SHANK2: variants seen among roughly 807,000 people sequenced by gnomAD.
The protein encoded by SHANK2 is SH3 and multiple ankyrin repeat domains 2.
In SHANK2, 43 loss-of-function variants were observed where a neutral mutation model predicts 133.7. The observed-to-expected ratio is 0.32, with a 90% CI of 0.25 to 0.41. The LOEUF (loss-of-function observed/expected upper bound fraction) is 0.41, where lower values mean the gene tolerates loss of function less well. SHANK2 is among the 10% of genes least tolerant of loss of function. The pLI is 1.00. For missense variants in SHANK2, 1,994 were observed against 2,235.8 expected, an observed-to-expected ratio of 0.89 and a Z score of 2.18; for synonymous variants, 1,017 against 952.8, an observed-to-expected ratio of 1.07 and a Z score of -1.24.
intron 10 of SHANK2, among the ~76,000 whole-genome samples, chr11:70,911,371 A>G (rs1840509430): frequency 6.6e-6 from 1 of 151,974 alleles, no homozygotes; most frequent in African/African-American, 2.4e-5. Context: ...AAACAAAAAA[A>G]CAAAAAAACA....
intron 10 of SHANK2, among the ~76,000 whole-genome samples, chr11:70,955,422 GGTGT>G (rs1186144718): frequency 0.5 from 73,335 of 146,396 alleles, 20,887 homozygotes; most frequent in Non-Finnish European, 0.65. Flanking sequence ...AGACCCACGG[GGTGT>G]GTGTGTGTGT....
At chr11:70,531,972 T>C (rs954834346) in intron 17 of SHANK2, among the ~76,000 whole-genome samples, 1 of 152,124 alleles carries the variant, frequency 6.6e-6, no homozygotes, top group Non-Finnish European at 1.5e-5. Context: ...GTAGTGACAG[T>C]TCTGGGATAT....
At position 70,772,439 on chromosome 11, in the gene SHANK2, CAA is replaced by C. The variant is rs36059683; in HGVS notation, c.1777+26002_1777+26003del. On this transcript the variant is annotated intron_variant, in intron 14 of 25. Transcript: ENST00000601538. ...TGGGCAATAGAGCAAGACTCTGTCT[CAA>C]AAAAAAAAAAAAAAGTATATTATTC... Among the ~76,000 whole-genome samples the C allele has an allele frequency of 9.9e-3, 1,351 of 136,482 alleles. 12 individuals carry two copies. Among genetic ancestry groups the C allele is most frequent in the African/African-American group, 0.021 (785 of 37,252 alleles). 89.5% of individuals were successfully genotyped at this position (136,482 alleles called of 152,430 possible). A position where few individuals can be genotyped will look rare whatever the true frequency, so the allele number is the denominator to read the frequency against.
chr11:70,519,269 T>C (rs1554970591), intron 17 of SHANK2, among the ~76,000 whole-genome samples: 1 of 152,176 alleles, frequency 6.6e-6, no homozygotes, highest in Admixed American at 6.5e-5. Flanking sequence ...GCACAGTGTA[T>C]GTGAGAAGGC....
chr11:70,660,074 AGTCCAGGCC>A, intron 16 of SHANK2, 122 bp from the exon 17 acceptor site: 1 of 1,247,704 alleles, frequency 8.0e-7, no homozygotes, highest in Admixed American at 1.9e-5. Context: ...GCAGGTGGCT[AGTCCAGGCC>A]AACTCTCCCC....
intron 17 of SHANK2, among the ~76,000 whole-genome samples, chr11:70,547,930 A>T (rs189743170): frequency 1.6e-4 from 24 of 152,366 alleles, no homozygotes; most frequent in African/African-American, 5.5e-4. Context: ...TTATCAGCTC[A>T]CTGAGTTTGA....
intron 6 of SHANK2, among the ~76,000 whole-genome samples, chr11:71,102,454 G>A (rs375922244): frequency 3.9e-5 from 6 of 152,244 alleles, no homozygotes; most frequent in South Asian, 2.1e-4. Flanking sequence ...AAACAGGGAC[G>A]CGGGGCCCAG....
chr11:71,190,689 G>T (rs1345144696), intron 2 of SHANK2, among the ~76,000 whole-genome samples: 1 of 152,190 alleles, frequency 6.6e-6, no homozygotes, highest in Admixed American at 6.5e-5. Flanking sequence ...CAGAATGCCA[G>T]GACATGGGAA....
chr11:70,794,223 G>C (rs1240158403), intron 14 of SHANK2, among the ~76,000 whole-genome samples: 1 of 150,194 alleles, frequency 6.7e-6, no homozygotes, highest in Non-Finnish European at 1.5e-5. Context: ...GGAGTTTGCA[G>C]TGAGCTGAGA....
At chr11:70,801,918 T>A (rs567751028) in intron 13 of SHANK2, among the ~76,000 whole-genome samples, 2 of 152,084 alleles carry the variant, frequency 1.3e-5, no homozygotes, top group South Asian at 4.2e-4. Context: ...GGGAATACGG[T>A]GTGATAGGAC....
At chr11:70,539,625 T>C (rs1162500352) in intron 17 of SHANK2, among the ~76,000 whole-genome samples, 2 of 126,160 alleles carry the variant, frequency 1.6e-5, no homozygotes, top group Non-Finnish European at 3.4e-5. Context: ...ACTCCGGCGC[T>C]CTTATCTACC....
intron 15 of SHANK2, among the ~76,000 whole-genome samples, chr11:70,697,248 C>G (rs1286366153): frequency 6.6e-6 from 1 of 152,172 alleles, no homozygotes; most frequent in Non-Finnish European, 1.5e-5. Flanking sequence ...GATTCACTAA[C>G]AAATGGTCGG....
intron 11 of SHANK2, among the ~76,000 whole-genome samples, chr11:70,878,532 C>G (rs1413182642): frequency 6.6e-6 from 1 of 152,192 alleles, no homozygotes; most frequent in African/African-American, 2.4e-5. Context: ...CTCCCTCGGG[C>G]TGCATGGTGG....
At chr11:70,778,570 G>C (rs1261164083) in intron 14 of SHANK2, among the ~76,000 whole-genome samples, 1 of 152,198 alleles carries the variant, frequency 6.6e-6, no homozygotes, top group Non-Finnish European at 1.5e-5. Flanking sequence ...TTCTTAAGAG[G>C]AAGAGAGAGC....
At chr11:70,547,190 G>A (rs548702971) in intron 17 of SHANK2, among the ~76,000 whole-genome samples, 11 of 152,218 alleles carry the variant, frequency 7.2e-5, no homozygotes, top group Admixed American at 2.0e-4. Context: ...GTCCTATCCC[G>A]TACTAAGTCT....
rs57416828 is a variant in SHANK2 at position 70,579,612 on chromosome 11, G to A, written c.2062-76681C>T. Reference sequence around the variant, plus strand: ...GCCCCAGGTGGTGTCTCCCGGGCCTGGGCCGGATCCCAGGACCCCCGGTGT... The same window carrying A: ...GCCCCAGGTGGTGTCTCCCGGGCCTAGGCCGGATCCCAGGACCCCCGGTGT... On this transcript the variant is annotated intron_variant, in intron 17 of 25. Transcript: ENST00000601538. Among the ~76,000 whole-genome samples, 715 of 152,348 alleles carry A rather than the reference G, an allele frequency of 4.7e-3. 6 individuals are homozygous for A. The highest frequency in any genetic ancestry group is 0.017 in the African/African-American group (690 of 41,584).
intron 12 of SHANK2, among the ~76,000 whole-genome samples, chr11:70,813,838 C>G (rs560918060): frequency 6.6e-6 from 1 of 152,308 alleles, no homozygotes; most frequent in South Asian, 2.1e-4. Flanking sequence ...AAGCCCTGTG[C>G]GTCTCGGGCC....
intron 10 of SHANK2, among the ~76,000 whole-genome samples, chr11:70,912,561 T>A (rs868968740): frequency 2.9e-4 from 44 of 152,332 alleles, no homozygotes; most frequent in Admixed American, 2.0e-3. Flanking sequence ...GTTTGCCTCC[T>A]GCCATGATTC....
At chr11:70,763,403 C>A (rs188649451) in intron 14 of SHANK2, among the ~76,000 whole-genome samples, 233 of 152,172 alleles carry the variant, frequency 1.5e-3, no homozygotes, top group African/African-American at 5.3e-3. Context: ...ACTGTGCTGC[C>A]CTGAGGATTG....
Sources: gnomAD v4.1 joint callset for allele counts (sites outside exome capture counted in the v4.1 genomes callset) on GRCh38, gnomAD v4.1.1 for gene constraint, MANE v1.5 for transcripts, NCBI Gene and HGNC (gene_info 2026-07-23, HGNC 2026-07-21) for gene names.